ITPR1: variants seen among roughly 807,000 people sequenced by gnomAD.
ITPR1 encodes inositol 1,4,5-trisphosphate-gated calcium channel ITPR1.
In ITPR1, 96 loss-of-function variants were observed where a neutral mutation model predicts 318.4. The observed-to-expected ratio is 0.30, with a 90% CI of 0.26 to 0.36. ITPR1 has a LOEUF of 0.36. Ranked by LOEUF, ITPR1 falls within the 10% of genes least tolerant of loss-of-function variation. ITPR1 has a pLI of 1.00. For missense variants in ITPR1, 2,440 were observed against 3,460.2 expected (o/e 0.71, Z 7.40); for synonymous variants, 1,312 against 1,289.9 (o/e 1.02, Z -0.37).
chr3:4,615,725 C>T (rs1047995302), intron 4 of ITPR1, among the ~76,000 whole-genome samples: 3 of 152,088 alleles, frequency 2.0e-5, no homozygotes, highest in African/African-American at 7.2e-5. Context: ...GATCCACATA[C>T]AGTAATCATT....
intron 4 of ITPR1, among the ~76,000 whole-genome samples, chr3:4,597,567 C>T (rs551123589): frequency 6.3e-4 from 96 of 152,128 alleles, no homozygotes; most frequent in African/African-American, 2.0e-3. Flanking sequence ...CTGGCATCAC[C>T]GAGGGAAAGG....
At chr3:4,598,401 G>C (rs1367827738) in intron 4 of ITPR1, among the ~76,000 whole-genome samples, 1 of 152,162 alleles carries the variant, frequency 6.6e-6, no homozygotes, top group African/African-American at 2.4e-5. Context: ...GGGTGAATCA[G>C]TTGAGCCCAG....
chr3:4,683,604 A>G (rs759442062), intron 27 of ITPR1, 24 bp from the exon 28 acceptor site: 5 of 1,614,034 alleles, frequency 3.1e-6, no homozygotes, highest in African/African-American at 1.3e-5. Context: ...TGTTGTGTGC[A>G]CCTAACGGAT....
chr3:4,553,430 GTTATTA>G (rs1575509506), intron 4 of ITPR1, among the ~76,000 whole-genome samples: 1 of 151,944 alleles, frequency 6.6e-6, no homozygotes, highest in Non-Finnish European at 1.5e-5. Flanking sequence ...TCTTGCTATT[GTTATTA>G]TTATTTTGTT....
At chr3:4,534,695 A>G (rs2083702630) in intron 4 of ITPR1, among the ~76,000 whole-genome samples, 2 of 152,132 alleles carry the variant, frequency 1.3e-5, no homozygotes, top group Non-Finnish European at 2.9e-5. Context: ...GTGCTTCTGA[A>G]ATGTCTGGAT....
intron 15 of ITPR1, among the ~76,000 whole-genome samples, 189 bp from the exon 16 acceptor site, chr3:4,662,876 G>A (rs577726009): frequency 6.6e-5 from 10 of 152,082 alleles, no homozygotes; most frequent in Non-Finnish European, 1.2e-4. Flanking sequence ...ATCCTTTTGT[G>A]GACAATGATA....
rs189192970 is a variant in ITPR1 at position 4,784,035 on chromosome 3, A to G, written c.6615+115A>G. Reference sequence around the variant, plus strand: ...CTGAGCAATGGAAATGTGAGTGTGTACTGTGTGCTAGGTCCTGGGCTGGGT... The same window carrying G: ...CTGAGCAATGGAAATGTGAGTGTGTGCTGTGTGCTAGGTCCTGGGCTGGGT... On this transcript the variant is annotated intron_variant, in intron 51 of 61. Coordinates refer to ENST00000649015, the MANE Select transcript of ITPR1 (RefSeq NM_001378452.1). 383 of 731,170 alleles carry G rather than the reference A, an allele frequency of 5.2e-4. 1 individual carries two copies. The Middle Eastern group carries it at 7.3e-3, about 14-fold the overall frequency. The allele number at this position is 731,170 out of a possible 1,614,324, so 45.3% of individuals were successfully genotyped here. A position where few individuals can be genotyped will look rare whatever the true frequency, so the allele number is the denominator to read the frequency against.
intron 61 of ITPR1, among the ~76,000 whole-genome samples, chr3:4,842,140 T>G (rs1351901488): frequency 1.3e-5 from 2 of 152,238 alleles, no homozygotes; most frequent in African/African-American, 2.4e-5. Context: ...TAGATTAAAA[T>G]TTGCCCATTT....
At chr3:4,525,311 G>A (rs2082891613) in intron 4 of ITPR1, among the ~76,000 whole-genome samples, 1 of 152,186 alleles carries the variant, frequency 6.6e-6, no homozygotes, top group South Asian at 2.1e-4. Flanking sequence ...TAGTTGTTCA[G>A]TGAGTGGTTG....
chr3:4,689,952 C>A (rs965236283), intron 31 of ITPR1, among the ~76,000 whole-genome samples: 1 of 152,142 alleles, frequency 6.6e-6, no homozygotes, highest in South Asian at 2.1e-4. Flanking sequence ...ATAACACACT[C>A]AAAAAAGTCA....
chr3:4,547,081 AC>A (rs1449282551), intron 4 of ITPR1, among the ~76,000 whole-genome samples: 1 of 152,158 alleles, frequency 6.6e-6, no homozygotes, highest in Non-Finnish European at 1.5e-5. Context: ...ACACAGCAAA[AC>A]TTTTATTGAG....
intron 51 of ITPR1, 65 bp downstream of exon 51, chr3:4,783,985 C>A: frequency 9.1e-7 from 1 of 1,099,788 alleles, no homozygotes; most frequent in Non-Finnish European, 1.3e-6. Flanking sequence ...ATGCCCTGCT[C>A]TGGGGCTGGC....
intron 2 of ITPR1, among the ~76,000 whole-genome samples, chr3:4,503,744 G>C (rs1389844604): frequency 1.3e-5 from 2 of 152,110 alleles, no homozygotes; most frequent in African/African-American, 2.4e-5. Context: ...TAGTGAACCG[G>C]TTAAGAAACC....
intron 4 of ITPR1, among the ~76,000 whole-genome samples, chr3:4,583,049 G>A (rs1010780081): frequency 6.6e-6 from 1 of 152,016 alleles, no homozygotes. Context: ...AATTTTCTCA[G>A]CATGTACAAA....
intron 4 of ITPR1, among the ~76,000 whole-genome samples, chr3:4,596,843 T>A (rs745874069): frequency 6.6e-5 from 10 of 152,218 alleles, no homozygotes; most frequent in Non-Finnish European, 1.3e-4. Context: ...GGAATCTGGT[T>A]GTAATTCACA....
chr3:4,780,017 T>C (rs2125393954), intron 49 of ITPR1, among the ~76,000 whole-genome samples: 1 of 152,086 alleles, frequency 6.6e-6, no homozygotes, highest in South Asian at 2.1e-4. Context: ...TGGGGGACAG[T>C]GTGGTTACGG....
chr3:4,762,736 C>T (rs1311456320), intron 44 of ITPR1, among the ~76,000 whole-genome samples: 1 of 152,214 alleles, frequency 6.6e-6, no homozygotes, highest in Non-Finnish European at 1.5e-5. Flanking sequence ...ACTGCAAAAC[C>T]TGCCCTGCTA....
At chr3:4,725,504 G>A (rs1287660797) in intron 40 of ITPR1, 42 bp from the exon 41 acceptor site, 29 of 1,559,042 alleles carry the variant, frequency 1.9e-5, no homozygotes, top group Non-Finnish European at 2.5e-5. Context: ...CCCACGAGAT[G>A]CAAGTGCCAT....
Position 4,688,611 on chromosome 3 carries a change from C to A in ITPR1, c.3819C>A (p.Leu1273=). The A allele has an allele frequency of 6.2e-7, 1 of 1,613,836 alleles. No homozygotes were observed. Among genetic ancestry groups the A allele is most frequent in the Non-Finnish European group, 8.5e-7 (1 of 1,179,752 alleles). Residue 1273 remains leucine, a synonymous_variant, in exon 31 of 62, where the codon CTC becomes CTA. Coordinates refer to ENST00000649015, the MANE Select transcript of ITPR1 (RefSeq NM_001378452.1). ...TACATAAACACATAAACCTGTTTCT[C>A]AACCCAGGGGTAAGACTTGAGGCCA... ...ALLHKHINLF[L]NPGILEAVTM...
Sources: gnomAD v4.1 joint callset for allele counts (sites outside exome capture counted in the v4.1 genomes callset) on GRCh38, gnomAD v4.1.1 for gene constraint, MANE v1.5 for transcripts, NCBI Gene and HGNC (gene_info 2026-07-23, HGNC 2026-07-21) for gene names.